TNS3: variants seen among roughly 807,000 people sequenced by gnomAD.
TNS3 encodes the protein tensin-3.
A neutral mutation model predicts 140.9 loss-of-function variants in TNS3; 45 were observed. The observed-to-expected ratio is 0.32, with a 90% CI of 0.25 to 0.41. The LOEUF (loss-of-function observed/expected upper bound fraction) is 0.41. Ranked by LOEUF, TNS3 falls within the 10% of genes least tolerant of loss-of-function variation. The probability of loss-of-function intolerance (pLI) is 1.00; values close to 1 mark genes in which losing one functional copy is unlikely to be tolerated. For missense variants in TNS3, 1,716 were observed against 1,906.7 expected (o/e 0.90, Z 1.86); for synonymous variants, 815 against 788.4 (o/e 1.03, Z -0.56).
chr7:47,482,835 T>C (rs1797471949), intron 3 of TNS3, among the ~76,000 whole-genome samples: 1 of 152,190 alleles, frequency 6.6e-6, no homozygotes, highest in African/African-American at 2.4e-5. Flanking sequence ...AAAGGCCACA[T>C]ACTGTATGAT....
intron 17 of TNS3, among the ~76,000 whole-genome samples, chr7:47,354,252 C>T (rs1789855692): frequency 6.6e-6 from 1 of 152,210 alleles, no homozygotes; most frequent in Admixed American, 6.5e-5. Context: ...GCTGCCACCA[C>T]ACAGATGGCT....
At chr7:47,389,018 G>A (rs1259187483) in intron 16 of TNS3, among the ~76,000 whole-genome samples, 2 of 2,170 alleles carry the variant, frequency 9.2e-4, no homozygotes, top group African/African-American at 1.6e-3. Context: ...AGAAGAAGAA[G>A]AAGAAGAAGA....
intron 17 of TNS3, among the ~76,000 whole-genome samples, chr7:47,348,765 A>T (rs953046095): frequency 6.6e-6 from 1 of 152,206 alleles, no homozygotes; most frequent in African/African-American, 2.4e-5. Context: ...ACGCACTCTG[A>T]TCTCAGGCCT....
rs191713493 is a variant in TNS3, at chr7:47,560,256, C to A, written c.-265+21795G>T. Among the ~76,000 whole-genome samples the A allele has an allele frequency of 1.9e-3, 283 of 152,124 alleles. 1 individual carries two copies. The highest frequency in any genetic ancestry group is 6.7e-3 in the African/African-American group (279 of 41,502). ...GCCTCATAATAATGACCCCAGGGAG[C>A]TCCCTCACCCCTCTACCATGTGAGG... On this transcript the variant is annotated intron_variant, in intron 1 of 30. Coordinates refer to ENST00000311160, the MANE Select transcript of TNS3 (RefSeq NM_022748.12).
intron 23 of TNS3, among the ~76,000 whole-genome samples, 153 bp downstream of exon 23, chr7:47,302,033 G>A (rs545046508): frequency 6.6e-6 from 1 of 152,346 alleles, no homozygotes; most frequent in Non-Finnish European, 1.5e-5. Flanking sequence ...ATGTCCCCAG[G>A]AGGCATGGAA....
intron 1 of TNS3, among the ~76,000 whole-genome samples, chr7:47,530,838 A>AAAAAAAATATATAT: frequency 3.7e-5 from 2 of 54,566 alleles, no homozygotes; most frequent in East Asian, 4.9e-4. Context: ...AAAAAAAAAA[A>AAAAAAAATATATAT]ATATATATAT....
In TNS3 at chr7:47,413,972, G is replaced by A. The variant is rs1584604120; in HGVS notation, c.612C>T (p.Tyr204=). 2.5e-6 allele frequency: 4 copies of A among 1,613,686 alleles called. No homozygotes were observed. The East Asian group carries it at 8.9e-5, about 36-fold the overall frequency. The change falls in exon 12 of 31, where the codon TAC becomes TAT. Residue 204 remains tyrosine (Y), a synonymous_variant. Coordinates refer to ENST00000311160, the MANE Select transcript of TNS3 (RefSeq NM_022748.12). ...GGVCRPFLKL[Y]QAMQPVYTSG... is the part of the protein sequence containing the mutation. Reference sequence around the variant, plus strand: ...AGGTGTACACAGGCTGCATGGCTTGGTAGAGCTTCAGAAAGGGCCGGCACA... The same window carrying A: ...AGGTGTACACAGGCTGCATGGCTTGATAGAGCTTCAGAAAGGGCCGGCACA...
rs569791914 is a variant in TNS3, at chr7:47,376,131, G to A, written c.1025-6510C>T. On this transcript the variant is annotated intron_variant, in intron 16 of 30. Coordinates refer to ENST00000311160, the MANE Select transcript of TNS3 (RefSeq NM_022748.12). Reference sequence around the variant, plus strand: ...TTGCTATGATTGCTAGTCATAAACGGGGACTTAAAAGCAATACTCAGCCCA... The same window carrying A: ...TTGCTATGATTGCTAGTCATAAACGAGGACTTAAAAGCAATACTCAGCCCA... Among the ~76,000 whole-genome samples the A allele has an allele frequency of 2.0e-5, 3 of 152,306 alleles. No individual in the cohort carries two copies. The East Asian group carries it at 5.8e-4, about 29-fold the overall frequency.
At chr7:47,413,577 G>A (rs578189801) in intron 12 of TNS3, among the ~76,000 whole-genome samples, 6 of 151,762 alleles carry the variant, frequency 4.0e-5, no homozygotes, top group Non-Finnish European at 5.9e-5. Flanking sequence ...GAACATCCTC[G>A]GATTTGGTAA....
intron 16 of TNS3, among the ~76,000 whole-genome samples, chr7:47,383,678 A>C (rs1791905987): frequency 6.6e-6 from 1 of 152,192 alleles, no homozygotes; most frequent in Non-Finnish European, 1.5e-5. Flanking sequence ...GTTTTATACA[A>C]AGCGTCTGGG....
At chr7:47,484,363 CT>C (rs1453172385) in intron 3 of TNS3, among the ~76,000 whole-genome samples, 1 of 152,202 alleles carries the variant, frequency 6.6e-6, no homozygotes, top group Non-Finnish European at 1.5e-5. Context: ...ACAGAGGGCA[CT>C]TGTTCTTTCA....
At chr7:47,524,863 G>A (rs988549351) in intron 2 of TNS3, among the ~76,000 whole-genome samples, 1 of 148,124 alleles carries the variant, frequency 6.8e-6, no homozygotes, top group Non-Finnish European at 1.5e-5. Flanking sequence ...ATGCATCCCT[G>A]CGGTGGAAAG....
rs1793530876 is a variant in TNS3 at position 47,407,809 on chromosome 7, T to A, written c.723+3918A>T. Among the ~76,000 whole-genome samples, 1 of 152,124 alleles carries A rather than the reference T, an allele frequency of 6.6e-6. No homozygotes were observed. The highest frequency in any genetic ancestry group is 2.1e-4 in the South Asian group (1 of 4,824). ...AGGACACAGGGAGAAGACAGCCACCTCCAGGTCAAGGAGAGAGGCCTCAGG... is the reference window on the plus strand; with the variant it reads ...AGGACACAGGGAGAAGACAGCCACCACCAGGTCAAGGAGAGAGGCCTCAGG... On this transcript the variant is annotated intron_variant, in intron 13 of 30. Coordinates refer to ENST00000311160, the MANE Select transcript of TNS3 (RefSeq NM_022748.12). The surrounding 1 kb of genome is among the most constrained non-coding windows in gnomAD (Gnocchi z 4.1).
intron 17 of TNS3, among the ~76,000 whole-genome samples, chr7:47,349,923 C>T (rs1465691548): frequency 6.6e-6 from 1 of 152,206 alleles, no homozygotes; most frequent in Non-Finnish European, 1.5e-5. Context: ...TCCATTAAGG[C>T]GGCCTGCTAC....
At chr7:47,529,635 G>A (rs1799322190) in intron 1 of TNS3, among the ~76,000 whole-genome samples, 2 of 152,204 alleles carry the variant, frequency 1.3e-5, no homozygotes, top group South Asian at 4.1e-4. Flanking sequence ...TTAAGCTCTT[G>A]AGCCTCTCTG....
Position 47,396,873 on chromosome 7 carries a change from C to T in TNS3, c.951G>A (p.Val317=), listed in dbSNP as rs1792862265. 1 of 1,614,198 alleles carries T rather than the reference C, an allele frequency of 6.2e-7. No individual in the cohort carries two copies. Among genetic ancestry groups the T allele is most frequent in the South Asian group, 1.1e-5 (1 of 91,076 alleles). The change falls in exon 16 of 31, where the codon GTG becomes GTA. Residue 317 remains valine, a synonymous_variant. Coordinates refer to ENST00000311160, the MANE Select transcript of TNS3 (RefSeq NM_022748.12). ...GGTCTGTTGTGTTGTAGTCCACAAT[C>T]ACACCGTGGTCGTTGTACAAGTGTT... is the stretch of plus-strand genomic sequence containing the variant. ...GSEHLYNDHG[V]IVDYNTTDPL...
At chr7:47,530,838 A>AAAAAAAAAAATATAT in intron 1 of TNS3, among the ~76,000 whole-genome samples, 9 of 54,560 alleles carry the variant, frequency 1.6e-4, no homozygotes, top group African/African-American at 7.1e-4. Context: ...AAAAAAAAAA[A>AAAAAAAAAAATATAT]ATATATATAT....
chr7:47,296,830 T>C (rs1269727963), intron 24 of TNS3, among the ~76,000 whole-genome samples: 2 of 152,164 alleles, frequency 1.3e-5, no homozygotes, highest in African/African-American at 4.8e-5. Context: ...AGTGGATGCC[T>C]TATCCCATGG....
chr7:47,388,468 T>C (rs1381046930), intron 16 of TNS3, among the ~76,000 whole-genome samples: 2 of 152,122 alleles, frequency 1.3e-5, no homozygotes, highest in African/African-American at 2.4e-5. Flanking sequence ...TGCATGCATG[T>C]TGGTTAAGTG....
Sources: allele counts gnomAD v4.1 joint callset (sites outside exome capture counted in the v4.1 genomes callset), GRCh38; gene constraint gnomAD v4.1.1; non-coding constraint Gnocchi (gnomAD v3.1); transcripts MANE v1.5; gene names NCBI Gene and HGNC (gene_info 2026-07-23, HGNC 2026-07-21).